Variants in FMNL2 observed in about 807,000 individuals in gnomAD.
FMNL2 encodes the protein formin like 2, also known as formin-like protein 2.
A neutral mutation model predicts 130.2 loss-of-function variants in FMNL2; 51 were observed. That is an observed-to-expected ratio of 0.39 (90% CI 0.31 to 0.49). The LOEUF (loss-of-function observed/expected upper bound fraction) is 0.49. FMNL2 is among the 20% of genes least tolerant of loss of function. FMNL2 has a pLI of 0.85. For synonymous variants in FMNL2, 465 were observed against 467.1 expected (o/e 1.00, Z 0.06); for missense variants, 977 against 1,316.2 (o/e 0.74, Z 3.99).
At chr2:152,532,978 A>G (rs1484885055) in intron 2 of FMNL2, among the ~76,000 whole-genome samples, 2 of 152,222 alleles carry the variant, frequency 1.3e-5, no homozygotes, top group Non-Finnish European at 2.9e-5. Context: ...AATATTCTGG[A>G]TACAAGTCTT....
intron 1 of FMNL2, among the ~76,000 whole-genome samples, chr2:152,470,800 A>G (rs532279275): frequency 1.3e-5 from 2 of 152,344 alleles, no homozygotes; most frequent in East Asian, 3.9e-4. Flanking sequence ...TGGTTATTAC[A>G]TGAATGAGAG....
At position 152,570,079 on chromosome 2, in the gene FMNL2, G is replaced by A. The variant is rs533759083; in HGVS notation, c.597-5057G>A. Among the ~76,000 whole-genome samples, 5 of 151,964 alleles carry A rather than the reference G, an allele frequency of 3.3e-5. 1 individual carries two copies. The highest frequency in any genetic ancestry group is 4.2e-4 in the South Asian group (2 of 4,814). ...TTTTTAAAGTCTATCACTCATACTA[G>A]CATTGAGTTATAACTTTTTCTTTTA... On this transcript the variant is annotated intron_variant, in intron 6 of 25. Transcript: ENST00000288670.
chr2:152,443,710 G>C (rs375333380), intron 1 of FMNL2, among the ~76,000 whole-genome samples: 20 of 152,288 alleles, frequency 1.3e-4, no homozygotes, highest in African/African-American at 4.8e-4. Flanking sequence ...GGGCGTGGTG[G>C]CCGGCATCTG....
intron 1 of FMNL2, among the ~76,000 whole-genome samples, chr2:152,343,314 G>C (rs1681917824): frequency 1.3e-5 from 2 of 152,022 alleles, no homozygotes; most frequent in Non-Finnish European, 2.9e-5. Flanking sequence ...TTTTTGTTTT[G>C]AGATGGATTC....
chr2:152,394,721 GTTT>G (rs11407117), intron 1 of FMNL2, among the ~76,000 whole-genome samples: 74,150 of 143,654 alleles, frequency 0.52, 19,969 homozygotes, highest in South Asian at 0.67. Context: ...TAACTGTTGG[GTTT>G]TTTTTTTTTT....
intron 10 of FMNL2, among the ~76,000 whole-genome samples, chr2:152,608,372 GAAAAAA>G (rs869229242): frequency 4.2e-5 from 1 of 24,064 alleles, no homozygotes; most frequent in Non-Finnish European, 9.0e-5. Context: ...AAAAAAAAAA[GAAAAAA>G]AAAAAAAAAA....
intron 9 of FMNL2, among the ~76,000 whole-genome samples, chr2:152,596,740 T>C (rs905465859): frequency 6.6e-6 from 1 of 152,222 alleles, no homozygotes; most frequent in Non-Finnish European, 1.5e-5. Flanking sequence ...TAGTCACTTC[T>C]GCTGTTGTTT....
chr2:152,397,180 GGAGGAAA>G (rs1332794445), intron 1 of FMNL2, among the ~76,000 whole-genome samples: 1 of 152,112 alleles, frequency 6.6e-6, no homozygotes, highest in African/African-American at 2.4e-5. Flanking sequence ...GGATATGCAG[GGAGGAAA>G]ATTGAGAAGA....
chr2:152,517,842 A>G (rs1692861361), intron 1 of FMNL2, among the ~76,000 whole-genome samples: 1 of 152,210 alleles, frequency 6.6e-6, no homozygotes, highest in African/African-American at 2.4e-5. Flanking sequence ...ATTCTGGTAT[A>G]TGGTTAAAGC....
intron 1 of FMNL2, among the ~76,000 whole-genome samples, chr2:152,515,690 C>T (rs1692729381): frequency 6.6e-6 from 1 of 152,142 alleles, no homozygotes; most frequent in African/African-American, 2.4e-5. Flanking sequence ...GGAGGAATTA[C>T]TTAACCTCCT....
chr2:152,587,399 A>G (rs1697145788), intron 9 of FMNL2, among the ~76,000 whole-genome samples: 1 of 152,208 alleles, frequency 6.6e-6, no homozygotes, highest in African/African-American at 2.4e-5. Context: ...ATACCTCAGT[A>G]AGTCTCGTAC....
chr2:152,399,717 G>T (rs150458548), intron 1 of FMNL2, among the ~76,000 whole-genome samples: 4 of 152,316 alleles, frequency 2.6e-5, no homozygotes, highest in African/African-American at 9.6e-5. Context: ...TTTACACCTT[G>T]GGGCAGAATT....
chr2:152,474,488 C>A (rs1398522591), intron 1 of FMNL2, among the ~76,000 whole-genome samples: 1 of 151,984 alleles, frequency 6.6e-6, no homozygotes, highest in Non-Finnish European at 1.5e-5. Flanking sequence ...AATTCAAGAC[C>A]AGCCTGGCCA....
intron 1 of FMNL2, among the ~76,000 whole-genome samples, chr2:152,473,284 G>A (rs1457221220): frequency 6.6e-6 from 1 of 152,128 alleles, no homozygotes; most frequent in Non-Finnish European, 1.5e-5. Flanking sequence ...GTTCACTGCA[G>A]CCTCCAACTC....
Position 152,648,911 on chromosome 2 carries a change from A to AAAAGT in FMNL2, c.*1008_*1012dup, listed in dbSNP as rs1491335581. 1 of 152,586 alleles carries AAAAGT rather than the reference A, an allele frequency of 6.6e-6. No homozygotes were observed. Among genetic ancestry groups the AAAAGT allele is most frequent in the African/African-American group, 2.4e-5 (1 of 41,436 alleles). The allele number at this position is 152,586 out of a possible 1,614,324, so 9.5% of individuals were successfully genotyped here. A position where few individuals can be genotyped will look rare whatever the true frequency, so the allele number is the denominator to read the frequency against. On this transcript the variant is annotated 3_prime_UTR_variant, in exon 26 of 26. Coordinates refer to ENST00000288670, the MANE Select transcript of FMNL2 (RefSeq NM_052905.4). ...TGGAGAATTGCAGTTTAAGTTGCTG[A>AAAAGT]AAAGTATTAACATGGTATTAAGCTT...
intron 2 of FMNL2, among the ~76,000 whole-genome samples, chr2:152,538,269 A>G (rs1437939622): frequency 1.3e-5 from 1 of 77,240 alleles, no homozygotes; most frequent in Non-Finnish European, 2.8e-5. Flanking sequence ...AATATTTTAT[A>G]TGAGGTTTTT....
At chr2:152,396,122 T>C (rs1685379919) in intron 1 of FMNL2, among the ~76,000 whole-genome samples, 2 of 152,226 alleles carry the variant, frequency 1.3e-5, no homozygotes, top group Non-Finnish European at 1.5e-5. Context: ...TGAACTCCTG[T>C]ACCCACATCC....
chr2:152,616,178 A>G (rs141190216), intron 12 of FMNL2, among the ~76,000 whole-genome samples: 1 of 152,260 alleles, frequency 6.6e-6, no homozygotes, highest in East Asian at 1.9e-4. Flanking sequence ...CTATGTGAAA[A>G]GCAGCTGTTT....
chr2:152,362,910 G>A (rs962467217), intron 1 of FMNL2, among the ~76,000 whole-genome samples: 3 of 152,196 alleles, frequency 2.0e-5, no homozygotes, highest in Middle Eastern at 3.4e-3. Context: ...AGCAAACTAC[G>A]CTATGTCAAA....
Sources: gnomAD v4.1 joint callset for allele counts (sites outside exome capture counted in the v4.1 genomes callset) on GRCh38, gnomAD v4.1.1 for gene constraint, MANE v1.5 for transcripts, NCBI Gene and HGNC (gene_info 2026-07-23, HGNC 2026-07-21) for gene names.